Variants in SLMAP observed in about 807,000 individuals in gnomAD.
The protein encoded by SLMAP is sarcolemmal membrane-associated protein.
In SLMAP, 44 loss-of-function variants were observed where a neutral mutation model predicts 128.8. That is an observed-to-expected ratio of 0.34 (90% confidence interval 0.27 to 0.44). SLMAP has a LOEUF of 0.44. Ranked by LOEUF, SLMAP falls within the 20% of genes least tolerant of loss-of-function variation. The probability of loss-of-function intolerance (pLI) is 1.00; values close to 1 mark genes in which losing one functional copy is unlikely to be tolerated. For synonymous variants in SLMAP, 327 were observed against 348.8 expected (o/e 0.94, Z 0.70); for missense variants, 787 against 985.3 (o/e 0.80, Z 2.69).
chr3:57,876,882 C>T (rs1452021464), intron 14 of SLMAP, among the ~76,000 whole-genome samples: 1 of 152,162 alleles, frequency 6.6e-6, no homozygotes. Flanking sequence ...TCTTTTGCTA[C>T]TGTCTGTTCT....
intron 15 of SLMAP, among the ~76,000 whole-genome samples, chr3:57,893,744 G>A (rs944931820): frequency 7.9e-5 from 12 of 152,074 alleles, no homozygotes; most frequent in African/African-American, 2.9e-4. Context: ...AGATGTATTA[G>A]CCTCTTTTAT....
chr3:57,893,733 T>G (rs2096159132), intron 15 of SLMAP, among the ~76,000 whole-genome samples: 1 of 152,228 alleles, frequency 6.6e-6, no homozygotes, highest in Admixed American at 6.5e-5. Context: ...ATATGGAGAT[T>G]AGATGTATTA....
chr3:57,886,106 ATTTT>A (rs112191414), intron 14 of SLMAP, among the ~76,000 whole-genome samples: 1 of 129,990 alleles, frequency 7.7e-6, no homozygotes, highest in African/African-American at 2.9e-5. Context: ...TAAAGATATA[ATTTT>A]TTTTTTTTTT....
chr3:57,794,125 T>C (rs950525652), intron 2 of SLMAP, among the ~76,000 whole-genome samples: 2 of 152,182 alleles, frequency 1.3e-5, no homozygotes, highest in African/African-American at 4.8e-5. Flanking sequence ...GATGAGTCAT[T>C]CAGTGATTTA....
At position 57,929,903 on chromosome 3, in the gene SLMAP, G is replaced by A. The variant is rs764019808; in HGVS notation, c.*2614G>A. ...GAAGTACCATTCGAGTGGTGAATACGTTTTTATGAGAATGTCATACTGAAA... is the reference window on the plus strand; with the variant it reads ...GAAGTACCATTCGAGTGGTGAATACATTTTTATGAGAATGTCATACTGAAA... On this transcript the variant is annotated 3_prime_UTR_variant, in exon 25 of 25. Transcript: ENST00000671191. 2.6e-4 allele frequency among the ~76,000 whole-genome samples: 39 copies of A among 152,148 alleles called. 1 individual carries two copies. The highest frequency in any genetic ancestry group is 8.4e-4 in the African/African-American group (35 of 41,444).
chr3:57,872,088 A>G (rs541624828), intron 14 of SLMAP, among the ~76,000 whole-genome samples: 12 of 152,318 alleles, frequency 7.9e-5, no homozygotes, highest in Admixed American at 2.6e-4. Flanking sequence ...AGATTGTCCT[A>G]CAATCTGACC....
chr3:57,899,433 AG>A (rs1426439079), intron 17 of SLMAP: 1 of 152,370 alleles, frequency 6.6e-6, no homozygotes, highest in African/African-American at 2.4e-5. Flanking sequence ...TTAAGGTGAA[AG>A]AACTTCTAAA....
intron 3 of SLMAP, among the ~76,000 whole-genome samples, chr3:57,836,721 C>T (rs2093659434): frequency 6.6e-6 from 1 of 152,156 alleles, no homozygotes; most frequent in Non-Finnish European, 1.5e-5. Flanking sequence ...ACATAAGCTG[C>T]TCTATACTGA....
chr3:57,926,108 C>T lies in SLMAP; in HGVS notation c.*6+174C>T. 2.2e-5 allele frequency: 13 copies of T among 591,288 alleles called. No homozygotes were observed. The South Asian group carries it at 2.8e-4, about 13-fold the overall frequency. The allele number at this position is 591,288 out of a possible 1,614,324, so 36.6% of individuals were successfully genotyped here. A position where few individuals can be genotyped will look rare whatever the true frequency, so the allele number is the denominator to read the frequency against. ...AATGAACTGAACAGTCAACTAATCC[C>T]ATAACTTTTTGTCTTGTTTACTTTG... On this transcript the variant is annotated intron_variant, in intron 24 of 24. Transcript: ENST00000671191.
intron 14 of SLMAP, among the ~76,000 whole-genome samples, chr3:57,884,547 ATAACT>A (rs560755904): frequency 5.9e-5 from 9 of 152,186 alleles, no homozygotes; most frequent in African/African-American, 2.2e-4. Context: ...AAGTGTTTAA[ATAACT>A]TAAATAGCAA....
intron 4 of SLMAP, among the ~76,000 whole-genome samples, chr3:57,841,725 A>G (rs1031454398): frequency 1.3e-5 from 2 of 152,098 alleles, no homozygotes; most frequent in Non-Finnish European, 2.9e-5. Flanking sequence ...AGGACTTCTT[A>G]AACTGTGATC....
chr3:57,848,079 G>A (rs922774883), intron 5 of SLMAP, among the ~76,000 whole-genome samples: 13 of 152,066 alleles, frequency 8.5e-5, no homozygotes, highest in African/African-American at 3.1e-4. Flanking sequence ...AGCTTAATAA[G>A]GACTGGTGCT....
intron 2 of SLMAP, among the ~76,000 whole-genome samples, chr3:57,809,224 TCCCTGCACTCTTGGGGG>T (rs2090483862): frequency 6.6e-6 from 1 of 152,176 alleles, no homozygotes; most frequent in Admixed American, 6.5e-5. Flanking sequence ...GACCCAGGCA[TCCCTGCACTCTTGGGGG>T]CCCAGGAAGA....
intron 2 of SLMAP, among the ~76,000 whole-genome samples, chr3:57,770,633 G>A (rs1576209602): frequency 1.3e-5 from 2 of 152,318 alleles, no homozygotes; most frequent in East Asian, 3.9e-4. Flanking sequence ...TTGCTTGCCA[G>A]ATATGTGACC....
chr3:57,860,556 A>G (rs1181174016), intron 8 of SLMAP, 143 bp from the exon 9 acceptor site: 7 of 561,738 alleles, frequency 1.2e-5, no homozygotes, highest in Non-Finnish European at 2.0e-5. Flanking sequence ...ATACATCTTT[A>G]GTTAATACAG....
intron 13 of SLMAP, among the ~76,000 whole-genome samples, chr3:57,869,659 T>TAA (rs1553900550): frequency 9.5e-5 from 11 of 115,426 alleles, no homozygotes; most frequent in South Asian, 5.4e-4. Flanking sequence ...TATATATATA[T>TAA]AATATATATA....
intron 14 of SLMAP, among the ~76,000 whole-genome samples, chr3:57,875,733 G>T (rs1323448902): frequency 6.6e-6 from 1 of 152,164 alleles, no homozygotes; most frequent in Non-Finnish European, 1.5e-5. Context: ...TTCCAAATCT[G>T]TTCGTTTCCT....
At chr3:57,864,007 C>G (rs1292723425) in intron 10 of SLMAP, among the ~76,000 whole-genome samples, 3 of 152,028 alleles carry the variant, frequency 2.0e-5, no homozygotes, top group Non-Finnish European at 4.4e-5. Context: ...TGTACTGAGC[C>G]TACTTGCTTC....
At chr3:57,777,820 G>A (rs1253269522) in intron 2 of SLMAP, among the ~76,000 whole-genome samples, 1 of 152,218 alleles carries the variant, frequency 6.6e-6, no homozygotes, top group East Asian at 1.9e-4. Flanking sequence ...CTTAAACCAT[G>A]AGATGCCGTT....
Sources: allele counts gnomAD v4.1 joint callset (sites outside exome capture counted in the v4.1 genomes callset), GRCh38; gene constraint gnomAD v4.1.1; transcripts MANE v1.5; gene names NCBI Gene and HGNC (gene_info 2026-07-23, HGNC 2026-07-21).